GRSF1: variants seen among roughly 807,000 people sequenced by gnomAD.
The protein encoded by GRSF1 is G-rich sequence factor 1.
In GRSF1, 50 loss-of-function variants were observed where a neutral mutation model predicts 51.1. The observed-to-expected ratio is 0.98, with a 90% confidence interval of 0.78 to 1.24. The LOEUF (loss-of-function observed/expected upper bound fraction) is 1.24. Among genes scored for constraint, GRSF1 ranks in the 50% most tolerant of loss-of-function variants. The probability of loss-of-function intolerance (pLI) is 0.00; values close to 1 mark genes in which losing one functional copy is unlikely to be tolerated. For missense variants in GRSF1, 700 were observed against 639.7 expected (o/e 1.09, Z -1.02); for synonymous variants, 293 against 253.3 (o/e 1.16, Z -1.49).
intron 1 of GRSF1, chr4:70,839,083 C>T: frequency 8.0e-7 from 1 of 1,257,264 alleles, no homozygotes; most frequent in Non-Finnish European, 1.0e-6. Flanking sequence ...AAACTCCCAA[C>T]CCTCCGGCGG....
intron 5 of GRSF1, among the ~76,000 whole-genome samples, 178 bp downstream of exon 5, chr4:70,831,361 A>AC (rs1156423253): frequency 6.6e-6 from 1 of 152,190 alleles, no homozygotes; most frequent in Non-Finnish European, 1.5e-5. Flanking sequence ...GTCTCAAAAA[A>AC]AAAAAAAAGG....
chr4:70,823,352 G>A (rs941123937), intron 9 of GRSF1, among the ~76,000 whole-genome samples: 3 of 151,574 alleles, frequency 2.0e-5, no homozygotes, highest in African/African-American at 7.3e-5. Flanking sequence ...AGTGGAGATC[G>A]AGCCATTGCA....
At chr4:70,840,071 A>G (rs55988895), upstream of GRSF1, 12 of 383,980 alleles carry the variant, frequency 3.1e-5, no homozygotes, top group African/African-American at 2.5e-4. Flanking sequence ...GGGGCTGCCC[A>G]TGGTTTGGGC....
upstream of GRSF1, among the ~76,000 whole-genome samples, chr4:70,840,397 G>T (rs1156340856): frequency 6.6e-6 from 1 of 152,190 alleles, no homozygotes; most frequent in Non-Finnish European, 1.5e-5. Context: ...AGGCAGAGGC[G>T]GGTGGACTGC....
intron 2 of GRSF1, among the ~76,000 whole-genome samples, chr4:70,833,694 G>T (rs1192504845): frequency 6.6e-6 from 1 of 151,990 alleles, no homozygotes; most frequent in Non-Finnish European, 1.5e-5. Flanking sequence ...TTAACTTTTT[G>T]TTTTTGTAGA....
At chr4:70,834,174 C>G (rs1817378) in intron 2 of GRSF1, among the ~76,000 whole-genome samples, 138,485 of 152,224 alleles carry the variant, frequency 0.91, 64,041 homozygotes, top group East Asian at 1. Flanking sequence ...CAGGAGAATC[C>G]CTTGAACCCG....
chr4:70,823,290 G>A (rs1391543438), intron 9 of GRSF1, among the ~76,000 whole-genome samples: 1 of 152,074 alleles, frequency 6.6e-6, no homozygotes, highest in Admixed American at 6.6e-5. Context: ...CCAGCTACTT[G>A]GGAGGCTGAG....
chr4:70,823,468 CCAG>C lies in GRSF1; in HGVS notation c.*25+823_*25+825del, dbSNP rs796376005. Among the ~76,000 whole-genome samples, 15 of 114,056 alleles carry C rather than the reference CCAG, an allele frequency of 1.3e-4. No homozygotes were observed. In the East Asian group the frequency reaches 2.3e-3, roughly 17 times the overall value. The allele number at this position is 114,056 out of a possible 152,430, so 74.8% of individuals were successfully genotyped here. On this transcript the variant is annotated intron_variant, in intron 9 of 9. Transcript: ENST00000254799. The stretch of plus-strand genomic sequence containing the variant: ...AAAATATCATAATTAATTCTATTTC[CCAG>C]CAGAATTTTCTTTTTTTTTTTTTGC...
intron 1 of GRSF1, chr4:70,839,122 C>G (rs1456097300): frequency 7.7e-7 from 1 of 1,301,816 alleles, no homozygotes; most frequent in East Asian, 5.3e-5. Flanking sequence ...CACAACCAGC[C>G]GGCGGAAAGC....
rs1015064272 is a variant in GRSF1, at chr4:70,839,675, C to G, written c.153G>C (p.Leu51=). 31 of 1,437,010 alleles carry G rather than the reference C, an allele frequency of 2.2e-5. No homozygotes were observed. In the Middle Eastern group the frequency reaches 9.7e-4, roughly 45 times the overall value. 89.0% of individuals were successfully genotyped at this position (1,437,010 alleles called of 1,614,324 possible). Residue 51 remains leucine, a synonymous_variant, in exon 1 of 10, where the codon CTG becomes CTC. Transcript: ENST00000254799. ...CAGCGGCCGCGGCGGCCCCGAGCAG[C>G]AGCAGCAGGCGGCGGCGGCCCGAGA... is the stretch of plus-strand genomic sequence containing the variant. The part of the protein sequence containing the change: ...SGVSGRRRLL[L]LLGAAAAAAS...
In GRSF1 at chr4:70,832,416, T is replaced by C. The variant is rs2148843651; in HGVS notation, c.705A>G (p.Leu235=). The C allele has an allele frequency of 6.2e-7, 1 of 1,610,438 alleles. No individual in the cohort carries two copies. Among genetic ancestry groups the C allele is most frequent in the Non-Finnish European group, 8.5e-7 (1 of 1,176,700 alleles). The change falls in exon 4 of 10, where the codon TTA becomes TTG. Residue 235 remains leucine, a synonymous_variant. Transcript: ENST00000254799. The stretch of plus-strand genomic sequence containing the variant: ...AAGATTTGACCTGCAAGCTCTTCAT[T>C]AAGGCATCCACATCTTCATTGTTTA... The part of the protein sequence containing the change: ...YEINNEDVDA[L]MKSLQVKSSP...
chr4:70,836,880 C>A (rs1560602981), intron 1 of GRSF1, among the ~76,000 whole-genome samples: 1 of 152,146 alleles, frequency 6.6e-6, no homozygotes. Context: ...GCAGTACGAC[C>A]AAATGCCCAT....
rs757298740 is a variant in GRSF1 at position 70,839,504 on chromosome 4, C to T, written c.324G>A (p.Ala108=). 4.2e-6 allele frequency: 6 copies of T among 1,423,796 alleles called. No individual in the cohort carries two copies. In the South Asian group the frequency reaches 5.7e-5, roughly 13 times the overall value. The allele number at this position is 1,423,796 out of a possible 1,614,324, so 88.2% of individuals were successfully genotyped here. Residue 108 remains alanine, a synonymous_variant, in exon 1 of 10, where the codon GCG becomes GCA. Transcript: ENST00000254799. ...AGCTGCGCGTCGGGACGGCGGCCGCCGCCGCCAGCGACTGCGGCAGCAGAG... is the reference window on the plus strand; with the variant it reads ...AGCTGCGCGTCGGGACGGCGGCCGCTGCCGCCAGCGACTGCGGCAGCAGAG... ...RASLLPQSLA[A]AAAVPTRSYS...
At chr4:70,823,976 C>CTT (rs35338829) in intron 9 of GRSF1, among the ~76,000 whole-genome samples, 2 of 131,318 alleles carry the variant, frequency 1.5e-5, no homozygotes, top group African/African-American at 5.6e-5. Flanking sequence ...GTATCTCTCT[C>CTT]TTTTTTTTTT....
intron 2 of GRSF1, among the ~76,000 whole-genome samples, chr4:70,834,743 T>C (rs1291939337): frequency 6.6e-6 from 1 of 152,146 alleles, no homozygotes; most frequent in African/African-American, 2.4e-5. Flanking sequence ...TGCCTCAGCC[T>C]CCCAGGTAGC....
chr4:70,837,878 G>A (rs1734281333), intron 1 of GRSF1, among the ~76,000 whole-genome samples: 1 of 151,542 alleles, frequency 6.6e-6, no homozygotes, highest in Non-Finnish European at 1.5e-5. Context: ...GACCTCAGGT[G>A]ATCCACCCGC....
chr4:70,837,964 G>A (rs957225756), intron 1 of GRSF1, among the ~76,000 whole-genome samples: 1 of 151,822 alleles, frequency 6.6e-6, no homozygotes, highest in African/African-American at 2.4e-5. Flanking sequence ...GGGCGCGGTG[G>A]CTCACGCCTG....
rs913788677 is a variant in GRSF1 at position 70,819,750 on chromosome 4, A to G, written c.*1137T>C. ...CAGGAACAAGGCAAAGAAAGCATAC[A>G]GGATTTTGATTCTCCTACACAGGTG... On this transcript the variant is annotated 3_prime_UTR_variant, in exon 10 of 10. Transcript: ENST00000254799. 6.6e-5 allele frequency: 10 copies of G among 152,642 alleles called. No individual in the cohort carries two copies. The highest frequency in any genetic ancestry group is 2.4e-4 in the African/African-American group (10 of 41,454). 9.5% of individuals were successfully genotyped at this position (152,642 alleles called of 1,614,324 possible).
intron 8 of GRSF1, among the ~76,000 whole-genome samples, chr4:70,825,095 A>G (rs1241066638): frequency 2.0e-5 from 3 of 152,126 alleles, no homozygotes; most frequent in Admixed American, 2.0e-4. Context: ...AAAAAAAAAG[A>G]AAGAAAGAGA....
Sources: gnomAD v4.1 joint callset for allele counts (sites outside exome capture counted in the v4.1 genomes callset) on GRCh38, gnomAD v4.1.1 for gene constraint, MANE v1.5 for transcripts, NCBI Gene and HGNC (gene_info 2026-07-23, HGNC 2026-07-21) for gene names.